The following THBS4 variants were observed in gnomAD, a reference collection of about 807,000 sequenced individuals.
THBS4 encodes the protein thrombospondin 4.
Under a neutral mutation model 115.7 loss-of-function variants are expected in THBS4, and 90 were observed. The observed-to-expected ratio is 0.78, with a 90% CI of 0.66 to 0.93. THBS4 has a LOEUF of 0.93. Among genes scored for constraint, THBS4 ranks in the 40% least tolerant of loss-of-function variants. The pLI is 0.00. For missense variants in THBS4, 1,087 were observed against 1,232.7 expected (o/e 0.88, Z 1.77); for synonymous variants, 460 against 479.3 (o/e 0.96, Z 0.53).
At chr5:80,061,947 T>G in intron 8 of THBS4, 115 bp downstream of exon 8, 1 of 1,182,062 alleles carries the variant, frequency 8.5e-7, no homozygotes, top group South Asian at 2.2e-5. Context: ...CCATGTGGAA[T>G]GTCATGGTGC....
chr5:80,034,647 A>G (rs1290736120), upstream of THBS4, among the ~76,000 whole-genome samples: 1 of 152,154 alleles, frequency 6.6e-6, no homozygotes, highest in African/African-American at 2.4e-5. Context: ...GCGTTTGGAA[A>G]CCATACTGAA....
intron 2 of THBS4, among the ~76,000 whole-genome samples, chr5:80,025,690 T>G (rs941123491): frequency 5.3e-5 from 8 of 152,338 alleles, no homozygotes; most frequent in African/African-American, 1.9e-4. Context: ...TCAAAACCCC[T>G]GGATGTGATG....
intron 2 of THBS4, among the ~76,000 whole-genome samples, chr5:80,007,957 C>G (rs1448141187): frequency 1.3e-5 from 2 of 152,120 alleles, no homozygotes; most frequent in African/African-American, 4.8e-5. Flanking sequence ...ATGAAAGACC[C>G]TGATTTGTGT....
chr5:80,050,685 C>T (rs922499839), intron 2 of THBS4, among the ~76,000 whole-genome samples: 1 of 152,134 alleles, frequency 6.6e-6, no homozygotes, highest in Non-Finnish European at 1.5e-5. Flanking sequence ...CAGACTGGTC[C>T]CCAGGCAAGA....
chr5:80,012,352 G>A (rs1025226575), intron 2 of THBS4, among the ~76,000 whole-genome samples: 1 of 152,244 alleles, frequency 6.6e-6, no homozygotes, highest in Non-Finnish European at 1.5e-5. Context: ...ACTCTGACTG[G>A]TAGTGACACT....
chr5:80,049,098 C>T (rs575218117), intron 2 of THBS4, among the ~76,000 whole-genome samples: 1 of 152,342 alleles, frequency 6.6e-6, no homozygotes, highest in South Asian at 2.1e-4. Context: ...ATTATCATTT[C>T]CAGTTCTTTA....
intron 9 of THBS4, chr5:80,067,522 C>T (rs1480566583): frequency 6.5e-6 from 1 of 152,852 alleles, no homozygotes; most frequent in Admixed American, 6.5e-5. Context: ...ACCAGCATTT[C>T]TCTGTGCACC....
chr5:80,071,743 C>T (rs1834068810), intron 13 of THBS4: 1 of 166,034 alleles, frequency 6.0e-6, no homozygotes, highest in Non-Finnish European at 1.3e-5. Context: ...TTCTGCAAGC[C>T]TAACTGATGA....
upstream of THBS4, among the ~76,000 whole-genome samples, chr5:80,033,786 T>C (rs187569484): frequency 2.2e-3 from 342 of 152,346 alleles, 4 homozygotes; most frequent in Middle Eastern, 3.4e-3. Flanking sequence ...TGGTGTGATA[T>C]AGCATATTGC....
Position 80,035,986 on chromosome 5 carries a change from C to A in THBS4, c.88+361C>A. 2.0e-6 allele frequency: 2 copies of A among 1,022,478 alleles called. No homozygotes were observed. Among genetic ancestry groups the A allele is most frequent in the Non-Finnish European group, 2.3e-6 (2 of 854,702 alleles). 63.3% of individuals were successfully genotyped at this position (1,022,478 alleles called of 1,614,324 possible). On this transcript the variant is annotated intron_variant, in intron 1 of 21. Coordinates refer to ENST00000350881, the MANE Select transcript of THBS4 (RefSeq NM_003248.6). The surrounding 1 kb of genome is among the most constrained non-coding windows in gnomAD (Gnocchi z 4.6). ...GGGTCCTGCACCCTGTGCCGGTTCC[C>A]TCCAGGCAGCCTTGCTCCCTAAATC...
Position 80,055,893 on chromosome 5 carries a change from T to C in THBS4, c.401T>C (p.Leu134Ser). ...AGGATCCTCCTGAGGCTGAGCAATTTGCAGCGAGGGGCCGGCTCCCTAGAG... is the reference window on the plus strand; with the variant it reads ...AGGATCCTCCTGAGGCTGAGCAATTCGCAGCGAGGGGCCGGCTCCCTAGAG... ...RHRILLRLSN[L>S]QRGAGSLELY... Residue 134 changes from leucine to serine, a missense_variant, in exon 3 of 22, where the codon TTG becomes TCG. Physicochemically the swap from Leu to Ser is moderately radical, Grantham distance 145. Coordinates refer to ENST00000350881, the MANE Select transcript of THBS4 (RefSeq NM_003248.6). The C allele has an allele frequency of 1.2e-6, 2 of 1,614,208 alleles. No homozygotes were observed. The highest frequency in any genetic ancestry group is 1.7e-6 in the Non-Finnish European group (2 of 1,180,016).
intron 8 of THBS4, among the ~76,000 whole-genome samples, 186 bp downstream of exon 8, chr5:80,062,018 G>C (rs1018076761): frequency 1.3e-5 from 2 of 152,178 alleles, no homozygotes; most frequent in African/African-American, 4.8e-5. Context: ...ATAAAATCTA[G>C]AAGGGAGGAA....
chr5:80,044,492 G>A (rs1185911220), intron 2 of THBS4, among the ~76,000 whole-genome samples: 2 of 151,980 alleles, frequency 1.3e-5, no homozygotes, highest in Non-Finnish European at 2.9e-5. Flanking sequence ...GCTAGATATC[G>A]GCTCACTGCA....
chr5:80,021,061 GT>G (rs1256909555), intron 2 of THBS4, among the ~76,000 whole-genome samples: 1 of 152,156 alleles, frequency 6.6e-6, no homozygotes, highest in African/African-American at 2.4e-5. Context: ...TTGTTAAAAT[GT>G]TTTGGGCCAC....
chr5:80,061,908 T>C, intron 8 of THBS4, 76 bp downstream of exon 8: 1 of 1,464,304 alleles, frequency 6.8e-7, no homozygotes, highest in Non-Finnish European at 9.1e-7. Context: ...CTCTTTGGTA[T>C]AAACCTTTAC....
intron 2 of THBS4, among the ~76,000 whole-genome samples, chr5:80,048,018 G>A (rs2112059024): frequency 6.6e-6 from 1 of 152,288 alleles, no homozygotes; most frequent in East Asian, 1.9e-4. Flanking sequence ...AGGAGGCTGT[G>A]GCAGGAGGAT....
intron 2 of THBS4, among the ~76,000 whole-genome samples, chr5:80,049,115 G>A (rs1424527864): frequency 6.6e-6 from 1 of 152,150 alleles, no homozygotes; most frequent in Non-Finnish European, 1.5e-5. Context: ...TTTAAAGCTG[G>A]CACCCTGCTT....
chr5:80,066,446 T>C (rs1208247527), intron 9 of THBS4: 6 of 152,040 alleles, frequency 3.9e-5, no homozygotes, highest in African/African-American at 1.2e-4. Flanking sequence ...GACAGAAATA[T>C]TACATCATTA....
At chr5:80,004,366 A>G (rs1831972164) in intron 2 of THBS4, among the ~76,000 whole-genome samples, 1 of 152,170 alleles carries the variant, frequency 6.6e-6, no homozygotes, top group Admixed American at 6.5e-5. Flanking sequence ...CCTTCTAGGT[A>G]GGTGCTCCCA....
Sources: allele counts gnomAD v4.1 joint callset (sites outside exome capture counted in the v4.1 genomes callset), GRCh38; gene constraint gnomAD v4.1.1; non-coding constraint Gnocchi (gnomAD v3.1); transcripts MANE v1.5; gene names NCBI Gene and HGNC (gene_info 2026-07-23, HGNC 2026-07-21).